The following CPVL variants were observed in gnomAD, a reference collection of about 807,000 sequenced individuals.
The protein encoded by CPVL is probable serine carboxypeptidase CPVL.
Under a neutral mutation model 63.7 loss-of-function variants are expected in CPVL, and 51 were observed. The ratio of observed to expected loss-of-function variants is 0.80; its 90% CI spans 0.64 to 1.01. The LOEUF (loss-of-function observed/expected upper bound fraction) is 1.01. CPVL is among the 50% of genes least tolerant of loss of function. The pLI, the probability that CPVL is intolerant of heterozygous loss-of-function variation, is 0.00. For missense variants in CPVL, 530 were observed against 573.1 expected (o/e 0.92, Z 0.77); for synonymous variants, 195 against 206.0 (o/e 0.95, Z 0.46).
At chr7:29,072,003 T>C in intron 8 of CPVL, 99 bp from the exon 9 acceptor site, 2 of 1,490,868 alleles carry the variant, frequency 1.3e-6, no homozygotes, top group South Asian at 1.2e-5. Context: ...TAATTGTTAA[T>C]ATTGTGCTGG....
At chr7:29,069,268 C>G (rs1225145504) in intron 9 of CPVL, among the ~76,000 whole-genome samples, 1 of 151,244 alleles carries the variant, frequency 6.6e-6, no homozygotes, top group Admixed American at 6.6e-5. Context: ...GGTGAAAACC[C>G]GTCTCTACTA....
At chr7:29,072,606 G>A (rs974367794) in intron 7 of CPVL, among the ~76,000 whole-genome samples, 183 bp from the exon 8 acceptor site, 3 of 151,990 alleles carry the variant, frequency 2.0e-5, no homozygotes, top group East Asian at 1.9e-4. Flanking sequence ...TTCTTTTGTC[G>A]TCTCAAATAG....
intron 9 of CPVL, 41 bp downstream of exon 9, chr7:29,071,732 T>TG: frequency 2.8e-6 from 1 of 357,648 alleles, no homozygotes; most frequent in South Asian, 3.0e-5. Flanking sequence ...CCCCAGATGG[T>TG]TTTAATTGCT....
intron 12 of CPVL, among the ~76,000 whole-genome samples, chr7:29,026,816 C>A (rs867249276): frequency 1.1e-4 from 17 of 152,118 alleles, no homozygotes; most frequent in South Asian, 1.0e-3. Context: ...TTGAACAGAC[C>A]AATAAAGAAT....
At chr7:29,032,495 T>C (rs1788120612) in intron 11 of CPVL, among the ~76,000 whole-genome samples, 1 of 152,194 alleles carries the variant, frequency 6.6e-6, no homozygotes. Flanking sequence ...CTCAAAGACC[T>C]TGAGTACTCA....
At chr7:29,016,211 TGTG>T (rs1786392834) in intron 12 of CPVL, among the ~76,000 whole-genome samples, 2 of 151,892 alleles carry the variant, frequency 1.3e-5, no homozygotes, top group South Asian at 4.1e-4. Context: ...ATCAGCCAGA[TGTG>T]GTGGTGGGGA....
intron 11 of CPVL, among the ~76,000 whole-genome samples, chr7:29,062,041 C>G (rs1562747845): frequency 6.6e-6 from 1 of 151,894 alleles, no homozygotes; most frequent in African/African-American, 2.4e-5. Flanking sequence ...CAAAAAAATT[C>G]ACTCGTTCCA....
At chr7:29,007,036 A>G (rs754316012) in intron 12 of CPVL, among the ~76,000 whole-genome samples, 44 of 152,244 alleles carry the variant, frequency 2.9e-4, no homozygotes, top group Admixed American at 9.2e-4. Flanking sequence ...TTCCTCAAAT[A>G]TCATTCTCCA....
At chr7:29,041,334 C>G (rs1405542099) in intron 11 of CPVL, among the ~76,000 whole-genome samples, 2 of 152,042 alleles carry the variant, frequency 1.3e-5, no homozygotes, top group Non-Finnish European at 2.9e-5. Flanking sequence ...GCCTTGGCCT[C>G]CCAAAGTGCT....
intron 1 of CPVL, 92 bp downstream of exon 1, chr7:29,146,337 C>A: frequency 2.0e-6 from 1 of 499,802 alleles, no homozygotes; most frequent in Non-Finnish European, 3.5e-6. Context: ...GCTTTTGAGA[C>A]TACCTGCCCC....
intron 5 of CPVL, 137 bp from the exon 6 acceptor site, chr7:29,092,839 A>C: frequency 1.5e-6 from 1 of 670,270 alleles, no homozygotes. Flanking sequence ...TTGCCCCCCT[A>C]TGCCTTTAGC....
intron 3 of CPVL, among the ~76,000 whole-genome samples, chr7:29,100,938 C>A (rs1162588956): frequency 2.6e-5 from 4 of 152,108 alleles, no homozygotes; most frequent in Non-Finnish European, 5.9e-5. Context: ...ATGCCAAAAC[C>A]CCAAGAGTCA....
At chr7:29,132,685 T>C (rs1211611381) in intron 1 of CPVL, among the ~76,000 whole-genome samples, 1 of 152,218 alleles carries the variant, frequency 6.6e-6, no homozygotes, top group Non-Finnish European at 1.5e-5. Flanking sequence ...GATGTTTCAC[T>C]GTCCTCCTGC....
intron 11 of CPVL, among the ~76,000 whole-genome samples, chr7:29,039,032 A>C (rs1050635457): frequency 6.6e-6 from 1 of 152,180 alleles, no homozygotes; most frequent in Admixed American, 6.5e-5. Flanking sequence ...CAAATGCTTC[A>C]GATTTTTTTT....
At chr7:29,142,763 TG>T (rs1029403296) in intron 1 of CPVL, among the ~76,000 whole-genome samples, 22 of 152,064 alleles carry the variant, frequency 1.4e-4, no homozygotes, top group African/African-American at 5.3e-4. Flanking sequence ...TGACCTCAGG[TG>T]ATCTGCCCGC....
At chr7:29,052,888 G>A (rs1305715641) in intron 11 of CPVL, among the ~76,000 whole-genome samples, 2 of 152,078 alleles carry the variant, frequency 1.3e-5, no homozygotes, top group African/African-American at 2.4e-5. Context: ...CAGCCTGGGC[G>A]ACAGAGCAAG....
chr7:29,086,557 AAAG>A lies in CPVL; in HGVS notation c.543-10_543-8del, dbSNP rs1372742089. The A allele has an allele frequency of 3.8e-6, 6 of 1,581,120 alleles. No homozygotes were observed. Among genetic ancestry groups the A allele is most frequent in the Non-Finnish European group, 5.2e-6 (6 of 1,150,336 alleles). ...GAAAAACTGAATTAGTGCACTGCAAAAAGAAGAACAAGAACAACACAAATTAAT... is the reference window on the plus strand; with the variant it reads ...GAAAAACTGAATTAGTGCACTGCAAAAAGAACAAGAACAACACAAATTAAT... On this transcript the variant is annotated splice_polypyrimidine_tract_variant and splice_region_variant and intron_variant, in intron 6 of 12. Coordinates refer to ENST00000265394, the MANE Select transcript of CPVL (RefSeq NM_031311.5).
At chr7:29,138,682 A>G (rs150173329) in intron 1 of CPVL, among the ~76,000 whole-genome samples, 287 of 152,238 alleles carry the variant, frequency 1.9e-3, no homozygotes, top group Non-Finnish European at 2.8e-3. Flanking sequence ...ATGTTTCTAT[A>G]TACCCAAGGC....
chr7:28,995,801 C>T lies in CPVL; in HGVS notation c.1402G>A (p.Gly468Arg). The T allele has an allele frequency of 6.2e-7, 1 of 1,606,484 alleles. No homozygotes were observed. Among genetic ancestry groups the T allele is most frequent in the East Asian group, 2.2e-5 (1 of 44,484 alleles). The change falls in exon 13 of 13, where the codon GGA (glycine) becomes AGA (arginine). Residue 468 changes from glycine to arginine, a missense_variant. By Grantham distance (125) the Gly-to-Arg change is moderately radical. Coordinates refer to ENST00000265394, the MANE Select transcript of CPVL (RefSeq NM_031311.5). ...CCAACATAAGGATCCCATCCTTTTC[C>T]ATAAATGAATCGATTAATCATGTCA... Reference protein sequence around the residue: ...AFDMINRFIYGKGWDPYVG With the variant: ...AFDMINRFIYRKGWDPYVG
Sources: gnomAD v4.1 joint callset for allele counts (sites outside exome capture counted in the v4.1 genomes callset) on GRCh38, gnomAD v4.1.1 for gene constraint, MANE v1.5 for transcripts, NCBI Gene and HGNC (gene_info 2026-07-23, HGNC 2026-07-21) for gene names.